RAB27A: variants seen among roughly 807,000 people sequenced by gnomAD.
The protein encoded by RAB27A is RAB27A, member RAS oncogene family, also known as ras-related protein Rab-27A.
RAB27A carries 17 observed loss-of-function variants against 20.8 expected under a neutral mutation model. The observed-to-expected ratio is 0.82, with a 90% CI of 0.56 to 1.23. The LOEUF (loss-of-function observed/expected upper bound fraction) is 1.23, where lower values mean the gene tolerates loss of function less well. Among genes scored for constraint, RAB27A ranks in the 50% most tolerant of loss-of-function variants. RAB27A has a pLI of 0.00. For synonymous variants in RAB27A, 85 were observed against 92.8 expected (o/e 0.92, Z 0.48); for missense variants, 277 against 266.7 (o/e 1.04, Z -0.27).
intron 2 of RAB27A, among the ~76,000 whole-genome samples, chr15:55,313,320 C>T (rs997170366): frequency 6.6e-6 from 1 of 152,106 alleles, no homozygotes; most frequent in East Asian, 1.9e-4. Context: ...AGCGGAATCA[C>T]GTGAGCCCAG....
At chr15:55,318,677 G>C (rs1038787860) in intron 1 of RAB27A, among the ~76,000 whole-genome samples, 10 of 145,750 alleles carry the variant, frequency 6.9e-5, no homozygotes, top group Non-Finnish European at 1.2e-4. Flanking sequence ...CTCCAGCCTG[G>C]ACTACAAGAG....
intron 2 of RAB27A, among the ~76,000 whole-genome samples, chr15:55,246,161 A>C (rs1223061104): frequency 1.3e-5 from 2 of 151,836 alleles, no homozygotes; most frequent in East Asian, 3.8e-4. Flanking sequence ...AACATACATC[A>C]TTTTTAACAG....
At chr15:55,292,856 G>T (rs2054930388), upstream of RAB27A, among the ~76,000 whole-genome samples, 1 of 152,162 alleles carries the variant, frequency 6.6e-6, no homozygotes, top group African/African-American at 2.4e-5. Flanking sequence ...TGAGCTGAGA[G>T]GGCAATAGGC....
intron 6 of RAB27A, among the ~76,000 whole-genome samples, chr15:55,210,228 TAC>T (rs1355612311): frequency 2.7e-5 from 4 of 150,344 alleles, no homozygotes; most frequent in African/African-American, 9.7e-5. Flanking sequence ...TATGTATATA[TAC>T]ACACATATAT....
chr15:55,258,623 C>A (rs747237409), intron 2 of RAB27A, among the ~76,000 whole-genome samples: 2 of 152,168 alleles, frequency 1.3e-5, no homozygotes, highest in Non-Finnish European at 2.9e-5. Flanking sequence ...AATTGCTGTC[C>A]AATATAGTTG....
At chr15:55,262,664 A>G (rs1192625127) in intron 2 of RAB27A, among the ~76,000 whole-genome samples, 1 of 138,096 alleles carries the variant, frequency 7.2e-6, no homozygotes, top group African/African-American at 2.9e-5. Context: ...ACAAGATCTC[A>G]CTCTGTTGTC....
intron 5 of RAB27A, among the ~76,000 whole-genome samples, chr15:55,227,501 G>C (rs1347681166): frequency 6.6e-6 from 1 of 152,044 alleles, no homozygotes; most frequent in Non-Finnish European, 1.5e-5. Context: ...TATATTTGGG[G>C]AACTCATATT....
At chr15:55,234,737 T>C (rs1343087336) in intron 3 of RAB27A, 45 bp downstream of exon 3, 25 of 1,563,536 alleles carry the variant, frequency 1.6e-5, no homozygotes, top group African/African-American at 2.7e-5. Flanking sequence ...CCAGCAAATG[T>C]TGACTTAACG....
intron 2 of RAB27A, among the ~76,000 whole-genome samples, chr15:55,261,796 T>C (rs976030495): frequency 6.6e-6 from 1 of 150,934 alleles, no homozygotes; most frequent in Admixed American, 6.6e-5. Context: ...TCCCAGCACT[T>C]TGGAAGGCCG....
At chr15:55,262,048 A>C (rs965711604) in intron 2 of RAB27A, among the ~76,000 whole-genome samples, 1 of 152,074 alleles carries the variant, frequency 6.6e-6, no homozygotes, top group Non-Finnish European at 1.5e-5. Context: ...AAAAAAAAAA[A>C]AAAAGTTTTC....
At chr15:55,270,833 T>G (rs1897683822) in intron 1 of RAB27A, 1 of 152,168 alleles carries the variant, frequency 6.6e-6, no homozygotes, top group Non-Finnish European at 1.5e-5. Flanking sequence ...TGCTGGCATC[T>G]CAAATCCAGC....
At chr15:55,255,324 A>C (rs1438261627) in intron 2 of RAB27A, among the ~76,000 whole-genome samples, 1 of 152,198 alleles carries the variant, frequency 6.6e-6, no homozygotes, top group Non-Finnish European at 1.5e-5. Flanking sequence ...TATTAATATG[A>C]ATGAATGCTT....
intron 6 of RAB27A, among the ~76,000 whole-genome samples, chr15:55,216,269 CA>C (rs1445494910): frequency 2.0e-5 from 3 of 152,172 alleles, no homozygotes; most frequent in Non-Finnish European, 4.4e-5. Flanking sequence ...CACCGTGGCT[CA>C]CACCTGTAAT....
At chr15:55,221,029 C>T (rs1389501023) in intron 6 of RAB27A, among the ~76,000 whole-genome samples, 1 of 152,112 alleles carries the variant, frequency 6.6e-6, no homozygotes, top group Admixed American at 6.5e-5. Context: ...TGAAATACTC[C>T]ATAACCATCG....
At chr15:55,298,375 C>G (rs569496827) in intron 2 of RAB27A, among the ~76,000 whole-genome samples, 1 of 152,052 alleles carries the variant, frequency 6.6e-6, no homozygotes, top group African/African-American at 2.4e-5. Flanking sequence ...CATCACATGT[C>G]GGTAGGTTCC....
In RAB27A at chr15:55,214,237, C is replaced by T. The variant is rs202093140; in HGVS notation, c.468-8532G>A. The stretch of plus-strand genomic sequence containing the variant: ...GGATCACGAAGTCGGGAGATCGAGA[C>T]CATCCTGGCTAACATGGTGAAACCC... On this transcript the variant is annotated intron_variant, in intron 6 of 6. Transcript: ENST00000336787. 3.6e-3 allele frequency among the ~76,000 whole-genome samples: 545 copies of T among 152,260 alleles called. 4 individuals are homozygous for T. The highest frequency in any genetic ancestry group is 9.5e-3 in the East Asian group (49 of 5,182).
At position 55,302,906 on chromosome 15, in the gene RAB27A, C is replaced by G. The variant is rs1187652581; in HGVS notation, c.-112+11133G>C. Among the ~76,000 whole-genome samples the G allele has an allele frequency of 3.0e-5, 4 of 133,920 alleles. No individual in the cohort carries two copies. The South Asian group carries it at 1.0e-3, about 34-fold the overall frequency. The allele number at this position is 133,920 out of a possible 152,430, so 87.9% of individuals were successfully genotyped here. Reference sequence around the variant, plus strand: ...CTGCCCCGTCTGAGAAGTGAGGAGCCTCTCCGCCCGGCAGCCACCCCATCT... The same window carrying G: ...CTGCCCCGTCTGAGAAGTGAGGAGCGTCTCCGCCCGGCAGCCACCCCATCT... On this transcript the variant is annotated intron_variant, in intron 2 of 5. Transcript: ENST00000563262.
At chr15:55,260,103 T>C (rs982816692) in intron 2 of RAB27A, 8 of 152,220 alleles carry the variant, frequency 5.3e-5, no homozygotes, top group Non-Finnish European at 1.2e-4. Context: ...TCTCCATCTA[T>C]TTACGTATTT....
intron 6 of RAB27A, among the ~76,000 whole-genome samples, chr15:55,215,581 A>G (rs1223656260): frequency 3.6e-5 from 5 of 137,242 alleles, no homozygotes; most frequent in Admixed American, 7.4e-5. Flanking sequence ...GAACCCGGGA[A>G]GCGGAGCTTG....
Sources: allele counts gnomAD v4.1 joint callset (sites outside exome capture counted in the v4.1 genomes callset), GRCh38; gene constraint gnomAD v4.1.1; transcripts MANE v1.5; gene names NCBI Gene and HGNC (gene_info 2026-07-23, HGNC 2026-07-21).